The following LIN54 variants were observed in gnomAD, a reference collection of about 807,000 sequenced individuals.
The protein encoded by LIN54 is lin-54 DREAM MuvB core complex component.
Under a neutral mutation model 78.7 loss-of-function variants are expected in LIN54, and 9 were observed. The observed-to-expected ratio is 0.11, with a 90% CI of 0.07 to 0.20. LIN54 has a LOEUF of 0.20. LIN54 is among the 10% of genes least tolerant of loss of function. The pLI is 1.00. For synonymous variants in LIN54, 269 were observed against 318.4 expected, an observed-to-expected ratio of 0.84 and a Z score of 1.65; for missense variants, 573 against 889.9, an observed-to-expected ratio of 0.64 and a Z score of 4.53.
intron 3 of LIN54, among the ~76,000 whole-genome samples, chr4:82,975,184 C>T (rs1452161181): frequency 6.6e-6 from 1 of 151,380 alleles, no homozygotes; most frequent in East Asian, 1.9e-4. Flanking sequence ...ATGGTGAAAC[C>T]CCTTCTCTAC....
At chr4:82,993,452 A>G (rs1727916054) in intron 1 of LIN54, among the ~76,000 whole-genome samples, 1 of 151,966 alleles carries the variant, frequency 6.6e-6, no homozygotes. Context: ...TCCAGACCTC[A>G]GGTGATCCGC....
chr4:82,987,358 G>A (rs190489694), intron 1 of LIN54, among the ~76,000 whole-genome samples: 22 of 152,198 alleles, frequency 1.4e-4, no homozygotes, highest in Non-Finnish European at 2.4e-4. Context: ...CTTAAATGTT[G>A]CCATTGGTGT....
At chr4:82,970,182 C>A in intron 4 of LIN54, 145 bp downstream of exon 4, 1 of 718,486 alleles carries the variant, frequency 1.4e-6, no homozygotes, top group Non-Finnish European at 2.3e-6. Context: ...GTCAGACATC[C>A]TTGATTACTA....
chr4:82,979,033 C>CT (rs778821795), intron 2 of LIN54, 27 bp from the exon 3 acceptor site: 3 of 1,507,986 alleles, frequency 2.0e-6, no homozygotes, highest in Non-Finnish European at 2.7e-6. Flanking sequence ...ACTATGAAGA[C>CT]CATCTGTTTC....
At chr4:83,010,147 G>T (rs1251000175) in intron 1 of LIN54, among the ~76,000 whole-genome samples, 1 of 152,110 alleles carries the variant, frequency 6.6e-6, no homozygotes, top group Non-Finnish European at 1.5e-5. Context: ...AAATGCCAAT[G>T]CTCTGCCTCC....
At chr4:82,981,161 A>C (rs1045324593) in intron 2 of LIN54, among the ~76,000 whole-genome samples, 1 of 152,186 alleles carries the variant, frequency 6.6e-6, no homozygotes, top group Non-Finnish European at 1.5e-5. Flanking sequence ...ACTTACAAAT[A>C]AGGTAGTAAA....
chr4:82,970,223 A>G, intron 4 of LIN54, 104 bp downstream of exon 4: 2 of 1,035,006 alleles, frequency 1.9e-6, no homozygotes, highest in Non-Finnish European at 2.8e-6. Flanking sequence ...AATGTCTATT[A>G]CTTGCTTGGG....
chr4:82,970,286 A>G, intron 4 of LIN54, 41 bp downstream of exon 4: 7 of 1,581,138 alleles, frequency 4.4e-6, no homozygotes, highest in Non-Finnish European at 6.0e-6. Context: ...TAAAGGCATC[A>G]ACCACAATAT....
At chr4:82,961,536 A>G (rs956748743) in intron 4 of LIN54, among the ~76,000 whole-genome samples, 2 of 152,190 alleles carry the variant, frequency 1.3e-5, no homozygotes, top group African/African-American at 4.8e-5. Flanking sequence ...GAAAAAAAAG[A>G]GTTCTCCACT....
rs373076659 is a variant in LIN54 at position 82,931,083 on chromosome 4, C to T, written c.1908G>A (p.Pro636=). ...CIGCKNFEES[P]ERKTLMHLAD... is the part of the protein sequence containing the mutation. The stretch of plus-strand genomic sequence containing the variant: ...CCAAATGCATCAATGTCTTCCTTTC[C>T]GGGCTTTCTTCAAAATTCTTACAGC... Residue 636 remains proline, a synonymous_variant, in exon 12 of 13, where the codon CCG becomes CCA. Coordinates refer to ENST00000340417, the MANE Select transcript of LIN54 (RefSeq NM_194282.4). 19 of 1,614,004 alleles carry T rather than the reference C, an allele frequency of 1.2e-5. No individual in the cohort carries two copies. The highest frequency in any genetic ancestry group is 6.7e-5 in the East Asian group (3 of 44,882).
chr4:82,988,322 A>G (rs572750955), intron 1 of LIN54, among the ~76,000 whole-genome samples: 1 of 152,248 alleles, frequency 6.6e-6, no homozygotes, highest in African/African-American at 2.4e-5. Flanking sequence ...CATGCTTTTG[A>G]GATTTATCTT....
At chr4:82,966,580 A>C (rs1159974046) in intron 4 of LIN54, among the ~76,000 whole-genome samples, 1 of 152,102 alleles carries the variant, frequency 6.6e-6, no homozygotes, top group Non-Finnish European at 1.5e-5. Context: ...AGTAGGTGAC[A>C]ACTGCAAGGA....
intron 5 of LIN54, among the ~76,000 whole-genome samples, chr4:82,940,836 T>C (rs1408081988): frequency 1.3e-5 from 2 of 152,226 alleles, no homozygotes; most frequent in East Asian, 3.9e-4. Flanking sequence ...AAGCTCTCTT[T>C]GCCTGTATCC....
chr4:82,998,498 GCAGCTC>G (rs1728436414), intron 1 of LIN54, among the ~76,000 whole-genome samples: 1 of 1,122 alleles, frequency 8.9e-4, no homozygotes, highest in Admixed American at 0.017. Flanking sequence ...AGCCGAGATA[GCAGCTC>G]CAACTCGGGC....
chr4:82,937,138 G>A, intron 9 of LIN54, 89 bp downstream of exon 9: 1 of 774,166 alleles, frequency 1.3e-6, no homozygotes, highest in Non-Finnish European at 2.4e-6. Flanking sequence ...TATGAGCTTT[G>A]GTCTGCTAAA....
rs543191411 is a variant in LIN54, at chr4:82,970,973, A to AT, written c.809-505dup. On this transcript the variant is annotated intron_variant, in intron 3 of 12. Transcript: ENST00000340417. ...ACCTGATTTTAGACTGCCAAAGGGG[A>AT]TAAAAAAATGTTTTTTCTACCCACC... Among the ~76,000 whole-genome samples the AT allele has an allele frequency of 3.1e-4, 47 of 152,330 alleles. No individual in the cohort carries two copies. In the East Asian group the frequency reaches 6.2e-3, roughly 20 times the overall value.
Position 82,950,164 on chromosome 4 carries a change from G to A in LIN54, c.952-3690C>T, listed in dbSNP as rs181297236. Among the ~76,000 whole-genome samples the A allele has an allele frequency of 3.3e-5, 5 of 152,202 alleles. No homozygotes were observed. In the East Asian group the frequency reaches 9.6e-4, roughly 29 times the overall value. ...GCACAAAACTATTAACTAAACTACAGATCATATTCCGATTTCACCAGTTTT... is the reference window on the plus strand; with the variant it reads ...GCACAAAACTATTAACTAAACTACAAATCATATTCCGATTTCACCAGTTTT... On this transcript the variant is annotated intron_variant, in intron 4 of 12. Transcript: ENST00000340417.
At chr4:82,936,745 T>G (rs1267170919) in intron 9 of LIN54, among the ~76,000 whole-genome samples, 2 of 152,222 alleles carry the variant, frequency 1.3e-5, no homozygotes, top group East Asian at 3.9e-4. Context: ...CTAGCTATAT[T>G]CTAATAGTTG....
At chr4:82,955,400 A>G (rs1724218273) in intron 4 of LIN54, among the ~76,000 whole-genome samples, 1 of 151,936 alleles carries the variant, frequency 6.6e-6, no homozygotes, top group Non-Finnish European at 1.5e-5. Context: ...ATAACATAAC[A>G]TAACATAACA....
Sources: allele counts gnomAD v4.1 joint callset (sites outside exome capture counted in the v4.1 genomes callset), GRCh38; gene constraint gnomAD v4.1.1; transcripts MANE v1.5; gene names NCBI Gene and HGNC (gene_info 2026-07-23, HGNC 2026-07-21).